The following ZBTB20 variants were observed in gnomAD, a reference collection of about 807,000 sequenced individuals.
The protein encoded by ZBTB20 is zinc finger and BTB domain-containing protein 20.
ZBTB20 carries 9 observed loss-of-function variants against 56.9 expected under a neutral mutation model. The ratio of observed to expected loss-of-function variants is 0.16; its 90% CI spans 0.10 to 0.28. ZBTB20 has a LOEUF of 0.28. Among genes scored for constraint, ZBTB20 ranks in the 10% least tolerant of loss-of-function variants. The pLI, the probability that ZBTB20 is intolerant of heterozygous loss-of-function variation, is 1.00. For missense variants in ZBTB20, 655 were observed against 1,003.0 expected (o/e 0.65, Z 4.69); for synonymous variants, 417 against 420.7 (o/e 0.99, Z 0.11).
intron 6 of ZBTB20, among the ~76,000 whole-genome samples, chr3:114,618,520 A>C (rs2107741157): frequency 6.6e-6 from 1 of 152,178 alleles, no homozygotes; most frequent in Admixed American, 6.5e-5. Context: ...GGCCTTTCAA[A>C]CTGCTGGGAT....
chr3:114,558,248 C>T (rs986302490), intron 6 of ZBTB20, among the ~76,000 whole-genome samples: 3 of 152,150 alleles, frequency 2.0e-5, no homozygotes, highest in East Asian at 3.9e-4. Context: ...AGGAAGCACA[C>T]TTGTGATGAA....
intron 7 of ZBTB20, among the ~76,000 whole-genome samples, chr3:114,455,592 T>C (rs2091963286): frequency 1.3e-5 from 2 of 152,100 alleles, no homozygotes; most frequent in African/African-American, 2.4e-5. Context: ...TACAGTCAGA[T>C]GCCGAATCTA....
intron 4 of ZBTB20, among the ~76,000 whole-genome samples, chr3:114,844,347 ATATATATATATATATATATATATATT>A (rs1265115792): frequency 2.2e-4 from 3 of 13,938 alleles, no homozygotes; most frequent in Non-Finnish European, 1.5e-3. Flanking sequence ...ATATATATAT[ATATATATATATATATATATATATATT>A]AGCTGAGAGT....
intron 7 of ZBTB20, among the ~76,000 whole-genome samples, chr3:114,459,446 T>A (rs1272756458): frequency 6.6e-6 from 1 of 152,180 alleles, no homozygotes; most frequent in African/African-American, 2.4e-5. Context: ...CCTGTAATAA[T>A]GATAGCAGTC....
intron 4 of ZBTB20, among the ~76,000 whole-genome samples, chr3:114,899,398 G>T (rs1485151633): frequency 6.6e-6 from 1 of 151,948 alleles, no homozygotes; most frequent in East Asian, 1.9e-4. Flanking sequence ...CGGTGAAATT[G>T]AGCCAAACAC....
At chr3:114,375,850 A>T (rs1032361323) in intron 10 of ZBTB20, 3 of 152,236 alleles carry the variant, frequency 2.0e-5, no homozygotes, top group Non-Finnish European at 4.4e-5. Flanking sequence ...AGTACATCTG[A>T]GTTACAGGAT....
chr3:114,831,831 T>C (rs903088608), intron 4 of ZBTB20, among the ~76,000 whole-genome samples: 1 of 152,062 alleles, frequency 6.6e-6, no homozygotes, highest in Admixed American at 6.6e-5. Context: ...CTACCTCATC[T>C]TTTTAAACAG....
chr3:114,566,106 C>A (rs1191408039), intron 6 of ZBTB20, among the ~76,000 whole-genome samples: 1 of 151,530 alleles, frequency 6.6e-6, no homozygotes, highest in Non-Finnish European at 1.5e-5. Context: ...CCCCCCTATA[C>A]TCTTTCCTTT....
At chr3:114,721,126 T>C (rs1179077816) in intron 5 of ZBTB20, among the ~76,000 whole-genome samples, 1 of 152,128 alleles carries the variant, frequency 6.6e-6, no homozygotes, top group Admixed American at 6.6e-5. Flanking sequence ...GCTGGAAAGA[T>C]GGGTTGAGTG....
At chr3:114,412,369 G>C (rs763488315) in intron 7 of ZBTB20, among the ~76,000 whole-genome samples, 1 of 152,118 alleles carries the variant, frequency 6.6e-6, no homozygotes, top group Non-Finnish European at 1.5e-5. Context: ...TGCCAAGTGT[G>C]AGCCAAGCAG....
At chr3:115,087,496 C>G (rs1235450590) in intron 1 of ZBTB20, among the ~76,000 whole-genome samples, 1 of 151,754 alleles carries the variant, frequency 6.6e-6, no homozygotes, top group African/African-American at 2.4e-5. Flanking sequence ...CAGCAGAATA[C>G]TTTTTTAGAT....
rs150868987 is a variant in ZBTB20 at position 114,380,815 on chromosome 3, G to A, written c.-28C>T. 50 of 1,501,622 alleles carry A rather than the reference G, an allele frequency of 3.3e-5. No homozygotes were observed. The African/African-American group carries it at 4.5e-4, about 13-fold the overall frequency. 93.0% of individuals were successfully genotyped at this position (1,501,622 alleles called of 1,614,324 possible). ...GTCAGGAAGCTTAGAGACAGGACTC[G>A]TGGAGTAATGGGAGGAGCACTGGAC... is the stretch of plus-strand genomic sequence containing the variant. On this transcript the variant is annotated 5_prime_UTR_variant, in exon 9 of 12. The change creates a new upstream start codon in the 5' untranslated region. Transcript: ENST00000675478.
At chr3:114,614,379 A>G (rs570629462) in intron 6 of ZBTB20, among the ~76,000 whole-genome samples, 2 of 152,190 alleles carry the variant, frequency 1.3e-5, no homozygotes, top group Non-Finnish European at 2.9e-5. Flanking sequence ...TGTGAGGAGC[A>G]CTGGAACAAT....
At chr3:114,883,930 T>C (rs1176950839) in intron 4 of ZBTB20, among the ~76,000 whole-genome samples, 1 of 74,014 alleles carries the variant, frequency 1.4e-5, no homozygotes, top group East Asian at 7.7e-4. Flanking sequence ...TTTTTTTTTT[T>C]TTTTTTTTTT....
At chr3:114,892,160 T>C (rs1386698403) in intron 4 of ZBTB20, among the ~76,000 whole-genome samples, 2 of 152,214 alleles carry the variant, frequency 1.3e-5, no homozygotes, top group African/African-American at 2.4e-5. Context: ...ACATAGTAAG[T>C]GTTGAAGAAA....
chr3:114,790,900 G>C (rs966632648), intron 5 of ZBTB20, among the ~76,000 whole-genome samples: 1 of 151,860 alleles, frequency 6.6e-6, no homozygotes, highest in Non-Finnish European at 1.5e-5. Flanking sequence ...TCCAATGCAT[G>C]ATCAGTATTT....
chr3:114,987,528 A>T (rs2078599022), intron 2 of ZBTB20, among the ~76,000 whole-genome samples: 1 of 152,210 alleles, frequency 6.6e-6, no homozygotes, highest in South Asian at 2.1e-4. Context: ...AAGAGGATGA[A>T]GTGCTCACAT....
At chr3:114,966,059 T>C (rs1322225087) in intron 3 of ZBTB20, among the ~76,000 whole-genome samples, 1 of 152,148 alleles carries the variant, frequency 6.6e-6, no homozygotes, top group Non-Finnish European at 1.5e-5. Flanking sequence ...AAGAATGCCA[T>C]CCAAACTACC....
At chr3:115,047,317 G>C (rs1013844841) in intron 2 of ZBTB20, among the ~76,000 whole-genome samples, 4 of 152,146 alleles carry the variant, frequency 2.6e-5, no homozygotes, top group South Asian at 2.1e-4. Context: ...ATTTGACAAA[G>C]TTTGAGAAAA....
Sources: allele counts gnomAD v4.1 joint callset (sites outside exome capture counted in the v4.1 genomes callset), GRCh38; gene constraint gnomAD v4.1.1; transcripts MANE v1.5; gene names NCBI Gene and HGNC (gene_info 2026-07-23, HGNC 2026-07-21).